CEP128: variants seen among roughly 807,000 people sequenced by gnomAD.
CEP128 encodes the protein centrosomal protein 128kDa.
CEP128 carries 132 observed loss-of-function variants against 156.7 expected under a neutral mutation model. The observed-to-expected ratio is 0.84, with a 90% CI of 0.73 to 0.97. CEP128 has a LOEUF of 0.97. Among genes scored for constraint, CEP128 ranks in the 50% least tolerant of loss-of-function variants. CEP128 has a pLI of 0.00. For missense variants in CEP128, 1,252 were observed against 1,281.9 expected (o/e 0.98, Z 0.36); for synonymous variants, 469 against 448.9 (o/e 1.04, Z -0.57).
At chr14:80,867,576 T>C (rs1248501294) in intron 8 of CEP128, among the ~76,000 whole-genome samples, 2 of 151,756 alleles carry the variant, frequency 1.3e-5, no homozygotes, top group African/African-American at 4.8e-5. Context: ...AACAACACAA[T>C]GACTGAACTG....
chr14:80,801,910 C>CAAAAAAAAAAAAAAAAAA lies in CEP128; in HGVS notation c.1210-8818_1210-8801dup, dbSNP rs71103882. ...GTGACAGTGTGAGACTCTGTCTCCC[C>CAAAAAAAAAAAAAAAAAA]AAAAAAAAAAAAAAAAAAAAAAAAA... On this transcript the variant is annotated intron_variant, in intron 13 of 24. Transcript: ENST00000555265. 9.2e-5 allele frequency among the ~76,000 whole-genome samples: 4 copies of CAAAAAAAAAAAAAAAAAA among 43,384 alleles called. 2 individuals are homozygous for CAAAAAAAAAAAAAAAAAA. Among genetic ancestry groups the CAAAAAAAAAAAAAAAAAA allele is most frequent in the African/African-American group, 4.6e-4 (4 of 8,784 alleles). 28.5% of individuals were successfully genotyped at this position (43,384 alleles called of 152,430 possible). A position where few individuals can be genotyped will look rare whatever the true frequency, so the allele number is the denominator to read the frequency against.
chr14:80,763,358 T>C (rs189763936), intron 16 of CEP128, among the ~76,000 whole-genome samples: 9 of 152,334 alleles, frequency 5.9e-5, no homozygotes, highest in African/African-American at 1.9e-4. Flanking sequence ...TTTCTTTAGA[T>C]TGATTAATAT....
At chr14:80,894,922 T>TACTAGGAAACTTTC (rs1889275991) in intron 8 of CEP128, among the ~76,000 whole-genome samples, 1 of 151,918 alleles carries the variant, frequency 6.6e-6, no homozygotes, top group South Asian at 2.1e-4. Flanking sequence ...TATCTACTTT[T>TACTAGGAAACTTTC]ACTAGGAAAC....
At chr14:80,665,396 A>G (rs1895572751) in intron 19 of CEP128, among the ~76,000 whole-genome samples, 1 of 152,204 alleles carries the variant, frequency 6.6e-6, no homozygotes, top group African/African-American at 2.4e-5. Flanking sequence ...CAGAGACTGA[A>G]AGGGAAAAGA....
chr14:80,541,457 AAAAAAAAAC>A (rs1489929633), intron 21 of CEP128, among the ~76,000 whole-genome samples: 90 of 150,708 alleles, frequency 6.0e-4, no homozygotes, highest in African/African-American at 2.2e-3. Flanking sequence ...AAAAAAAAAA[AAAAAAAAAC>A]CAGGAAAAAA....
At chr14:80,834,735 GT>G (rs1383021358) in intron 12 of CEP128, among the ~76,000 whole-genome samples, 1 of 152,136 alleles carries the variant, frequency 6.6e-6, no homozygotes, top group Admixed American at 6.5e-5. Flanking sequence ...AACAATTCCT[GT>G]GTGCATCTTT....
At chr14:80,812,560 T>C (rs1884618774) in intron 13 of CEP128, among the ~76,000 whole-genome samples, 1 of 151,956 alleles carries the variant, frequency 6.6e-6, no homozygotes, top group Non-Finnish European at 1.5e-5. Flanking sequence ...ACCTTGCCTC[T>C]GGTTGTTGTT....
intron 2 of CEP128, among the ~76,000 whole-genome samples, chr14:80,931,109 T>G (rs915932474): frequency 2.0e-5 from 3 of 152,230 alleles, no homozygotes; most frequent in African/African-American, 7.2e-5. Flanking sequence ...GATATATTTT[T>G]CAGGAGGATG....
At chr14:80,645,530 A>C (rs2140816060) in intron 19 of CEP128, among the ~76,000 whole-genome samples, 1 of 152,260 alleles carries the variant, frequency 6.6e-6, no homozygotes, top group Non-Finnish European at 1.5e-5. Flanking sequence ...TAGGATACGT[A>C]AAATGGAAAG....
intron 21 of CEP128, among the ~76,000 whole-genome samples, chr14:80,540,207 C>CCT (rs34207432): frequency 1.4e-5 from 2 of 143,946 alleles, no homozygotes; most frequent in Admixed American, 6.9e-5. Context: ...ACCCCCCCCC[C>CCT]TTTTGAAACC....
At chr14:80,729,058 GGTGTGTGTGT>G (rs559470308) in intron 19 of CEP128, among the ~76,000 whole-genome samples, 396 of 105,040 alleles carry the variant, frequency 3.8e-3, no homozygotes, top group Admixed American at 5.1e-3. Flanking sequence ...GGCTGGTGGG[GGTGTGTGTGT>G]GTGTGTGTGT....
intron 8 of CEP128, among the ~76,000 whole-genome samples, chr14:80,892,283 A>T (rs1003339182): frequency 7.9e-5 from 12 of 152,028 alleles, no homozygotes; most frequent in Non-Finnish European, 1.5e-4. Flanking sequence ...AATTTTTGAC[A>T]GGGGCACCAA....
At chr14:80,919,772 AC>A (rs1884753726) in intron 2 of CEP128, among the ~76,000 whole-genome samples, 1 of 152,202 alleles carries the variant, frequency 6.6e-6, no homozygotes, top group African/African-American at 2.4e-5. Flanking sequence ...ATGATCTCTC[AC>A]CACCACTAGG....
intron 10 of CEP128, 58 bp from the exon 11 acceptor site, chr14:80,838,336 T>C: frequency 1.7e-6 from 2 of 1,209,426 alleles, no homozygotes; most frequent in Non-Finnish European, 2.4e-6. Context: ...ATAACTAAAT[T>C]ATTATGGGCA....
intron 19 of CEP128, among the ~76,000 whole-genome samples, chr14:80,639,986 G>A (rs1429463609): frequency 6.6e-6 from 1 of 152,100 alleles, no homozygotes; most frequent in Non-Finnish European, 1.5e-5. Flanking sequence ...AGCACTCACT[G>A]AATGAAATTT....
At chr14:80,869,831 G>A (rs759296865) in intron 8 of CEP128, among the ~76,000 whole-genome samples, 1 of 151,640 alleles carries the variant, frequency 6.6e-6, no homozygotes, top group Non-Finnish European at 1.5e-5. Flanking sequence ...AAAAGATAAA[G>A]AAAACTGACA....
intron 20 of CEP128, among the ~76,000 whole-genome samples, chr14:80,576,059 G>A (rs955452940): frequency 2.0e-5 from 3 of 151,746 alleles, no homozygotes; most frequent in South Asian, 2.1e-4. Context: ...ACTAACTCTC[G>A]GTGTGTGCTG....
upstream of CEP128, among the ~76,000 whole-genome samples, chr14:80,941,950 AT>A (rs113688192): frequency 9.9e-3 from 1,447 of 145,564 alleles, 12 homozygotes; most frequent in South Asian, 0.017. Context: ...GCCCTGCTCT[AT>A]TTTTTTTTTT....
chr14:80,523,783 A>G (rs2140255019), intron 23 of CEP128, among the ~76,000 whole-genome samples: 1 of 152,338 alleles, frequency 6.6e-6, no homozygotes, highest in Middle Eastern at 3.4e-3. Flanking sequence ...AAATACAGAA[A>G]AAGGAAACAT....
Sources: allele counts gnomAD v4.1 joint callset (sites outside exome capture counted in the v4.1 genomes callset), GRCh38; gene constraint gnomAD v4.1.1; transcripts MANE v1.5; gene names NCBI Gene and HGNC (gene_info 2026-07-23, HGNC 2026-07-21).